The following MED13L variants were observed in gnomAD, a reference collection of about 807,000 sequenced individuals.
MED13L encodes mediator complex subunit 13L.
In MED13L, 7 loss-of-function variants were observed where a neutral mutation model predicts 220.9. The observed-to-expected ratio is 0.03, with a 90% CI of 0.02 to 0.06. The LOEUF is 0.06. MED13L is among the 10% of genes least tolerant of loss of function. The pLI, the probability that MED13L is intolerant of heterozygous loss-of-function variation, is 1.00. For missense variants in MED13L, 1,965 were observed against 2,760.5 expected (o/e 0.71, Z 6.46); for synonymous variants, 1,011 against 1,015.2 (o/e 1.00, Z 0.08).
intron 1 of MED13L, among the ~76,000 whole-genome samples, chr12:116,256,682 CTTT>C (rs35608298): frequency 2.3e-4 from 22 of 96,256 alleles, no homozygotes; most frequent in African/African-American, 9.0e-4. Context: ...AAACAAACTA[CTTT>C]TTTTTTTTTT....
At chr12:116,069,649 CTCTT>C (rs1024923253) in intron 4 of MED13L, among the ~76,000 whole-genome samples, 2 of 152,134 alleles carry the variant, frequency 1.3e-5, no homozygotes, top group African/African-American at 4.8e-5. Context: ...CATTGCTTTT[CTCTT>C]TAATACACGT....
intron 23 of MED13L, among the ~76,000 whole-genome samples, chr12:115,979,603 T>C (rs941093366): frequency 6.6e-6 from 1 of 152,254 alleles, no homozygotes; most frequent in Non-Finnish European, 1.5e-5. Context: ...ACTACTTGCA[T>C]CATTTTTCAC....
chr12:116,131,248 A>G (rs984226414), intron 2 of MED13L, among the ~76,000 whole-genome samples: 2 of 152,246 alleles, frequency 1.3e-5, no homozygotes, highest in South Asian at 2.1e-4. Flanking sequence ...GAGATTGTTT[A>G]TTTATGGAAA....
intron 2 of MED13L, among the ~76,000 whole-genome samples, chr12:116,129,778 G>A (rs772599936): frequency 8.5e-5 from 13 of 152,062 alleles, no homozygotes; most frequent in Non-Finnish European, 1.8e-4. Context: ...ACATGGTGGC[G>A]CGTGCCTGTA....
Position 115,986,156 on chromosome 12 carries a change from A to C in MED13L, c.4338+110T>G, listed in dbSNP as rs2137285945. 2.5e-6 allele frequency: 3 copies of C among 1,218,522 alleles called. No individual in the cohort carries two copies. In the East Asian group the frequency reaches 7.3e-5, roughly 29 times the overall value. 75.5% of individuals were successfully genotyped at this position (1,218,522 alleles called of 1,614,324 possible). A position where few individuals can be genotyped will look rare whatever the true frequency, so the allele number is the denominator to read the frequency against. On this transcript the variant is annotated intron_variant, in intron 19 of 30. Transcript: ENST00000281928. ...TCTCTTCTTCATCCACCTGTTTGCA[A>C]ATTTTCTCTGAGATTTACTTTCAAG...
rs1390512560 is a variant in MED13L, at chr12:116,007,577, T to G, written c.2072A>C (p.Gln691Pro). ...CAATGGGTCAAGGAAGTGGAGTGGC[T>G]GCAACTGGGGCTGTTTGTCTTGCCA... is the stretch of plus-strand genomic sequence containing the variant. ...KIWQDKQPQLQPLHFLDPLPL... is the reference protein window; with the variant it reads ...KIWQDKQPQLPPLHFLDPLPL... The change falls in exon 11 of 31, where the codon CAG becomes CCG. Residue 691 changes from glutamine (Q) to proline (P), a missense_variant. Physicochemically the swap from Gln to Pro is moderately conservative, Grantham distance 76. Transcript: ENST00000281928. 6.2e-7 allele frequency: 1 copy of G among 1,608,458 alleles called. No individual in the cohort carries two copies. Among genetic ancestry groups the G allele is most frequent in the Non-Finnish European group, 8.5e-7 (1 of 1,178,726 alleles).
intron 3 of MED13L, among the ~76,000 whole-genome samples, chr12:116,099,032 CACT>C (rs1872843725): frequency 6.6e-6 from 1 of 152,120 alleles, no homozygotes; most frequent in African/African-American, 2.4e-5. Context: ...ACTATACCAC[CACT>C]ACCTGGTTGA....
chr12:115,991,326 G>A lies in MED13L; in HGVS notation c.3628C>T (p.Pro1210Ser). The stretch of plus-strand genomic sequence containing the variant: ...GGTTTTTTGGTTCCTTCCACCTGAG[G>A]AAGGAAGGTGGACTGACACATCATT... Reference protein sequence around the residue: ...RLMMCQSTFLPQVEGTKKPQE... With the variant: ...RLMMCQSTFLSQVEGTKKPQE... Residue 1210 changes from proline (P) to serine (S), a missense_variant, in exon 17 of 31, where the codon CCT becomes TCT. Coordinates refer to ENST00000281928, the MANE Select transcript of MED13L (RefSeq NM_015335.5). This position sits in a 1 kb window ranked among gnomAD's most constrained non-coding sequence, Gnocchi z 7.7. 1 of 1,614,008 alleles carries A rather than the reference G, an allele frequency of 6.2e-7. No individual in the cohort carries two copies. The highest frequency in any genetic ancestry group is 1.1e-5 in the South Asian group (1 of 91,074).
intron 2 of MED13L, 29 bp downstream of exon 2, chr12:116,237,439 A>C (rs1408799184): frequency 1.3e-6 from 2 of 1,514,158 alleles, no homozygotes; most frequent in East Asian, 2.3e-5. Context: ...TGATGCAAAT[A>C]ATTTTTAAGA....
chr12:116,141,029 G>A (rs564892027), intron 2 of MED13L, among the ~76,000 whole-genome samples: 9 of 152,098 alleles, frequency 5.9e-5, no homozygotes, highest in African/African-American at 9.6e-5. Flanking sequence ...GTCTCTAATC[G>A]TGAGAGCAAA....
intron 1 of MED13L, among the ~76,000 whole-genome samples, chr12:116,271,106 A>C (rs1873291061): frequency 6.6e-6 from 1 of 150,942 alleles, no homozygotes; most frequent in Admixed American, 6.6e-5. Context: ...AAGAAGTTAA[A>C]TGACTCAAGA....
rs113188299 is a variant in MED13L at position 115,979,420 on chromosome 12, C to T, written c.5364+1330G>A. Among the ~76,000 whole-genome samples, 1,226 of 152,242 alleles carry T rather than the reference C, an allele frequency of 8.1e-3. 24 individuals are homozygous for T. Among genetic ancestry groups the T allele is most frequent in the African/African-American group, 0.028 (1,155 of 41,538 alleles). ...TTCTAGAAAAATTTAACAGAGAAAACAGATGAATTGCTCATAGAAGTGAAA... is the reference window on the plus strand; with the variant it reads ...TTCTAGAAAAATTTAACAGAGAAAATAGATGAATTGCTCATAGAAGTGAAA... On this transcript the variant is annotated intron_variant, in intron 23 of 30. Coordinates refer to ENST00000281928, the MANE Select transcript of MED13L (RefSeq NM_015335.5).
chr12:116,172,653 C>T (rs559001364), intron 2 of MED13L, among the ~76,000 whole-genome samples: 10 of 152,262 alleles, frequency 6.6e-5, no homozygotes, highest in Admixed American at 5.9e-4. Context: ...AGCTTCTTTG[C>T]CACTTAAAAA....
intron 1 of MED13L, among the ~76,000 whole-genome samples, chr12:116,269,942 C>T (rs1873151088): frequency 2.0e-5 from 3 of 149,582 alleles, no homozygotes; most frequent in African/African-American, 7.4e-5. Flanking sequence ...TGAAAAAATA[C>T]AAGGCAGTTT....
At chr12:115,996,373 T>G in intron 16 of MED13L, 103 bp downstream of exon 16, 9 of 1,344,376 alleles carry the variant, frequency 6.7e-6, no homozygotes, top group Non-Finnish European at 9.5e-6. Context: ...ATTACAGGCA[T>G]GAGCCACCGC....
intron 2 of MED13L, among the ~76,000 whole-genome samples, chr12:116,192,426 TAAG>T (rs1052344530): frequency 2.2e-4 from 34 of 152,160 alleles, no homozygotes; most frequent in Non-Finnish European, 2.6e-4. Flanking sequence ...ACAAAGCTAA[TAAG>T]AAATGAAACT....
intron 1 of MED13L, among the ~76,000 whole-genome samples, chr12:116,264,904 G>A (rs1872729918): frequency 6.6e-6 from 1 of 152,116 alleles, no homozygotes; most frequent in Non-Finnish European, 1.5e-5. Context: ...GAGGCAAGAG[G>A]ATTACTTGAG....
chr12:116,146,074 C>T (rs545753789), intron 2 of MED13L, among the ~76,000 whole-genome samples: 57 of 152,304 alleles, frequency 3.7e-4, no homozygotes, highest in African/African-American at 1.3e-3. Context: ...CAGCCCAACA[C>T]AAATTTGTAA....
chr12:116,276,368 G>T, intron 1 of MED13L: 14 of 838,418 alleles, frequency 1.7e-5, no homozygotes, highest in Non-Finnish European at 2.2e-5. Context: ...TCGTTGTTAG[G>T]ATAGAGAAAA....
Sources: allele counts gnomAD v4.1 joint callset (sites outside exome capture counted in the v4.1 genomes callset), GRCh38; gene constraint gnomAD v4.1.1; non-coding constraint Gnocchi (gnomAD v3.1); transcripts MANE v1.5; gene names NCBI Gene and HGNC (gene_info 2026-07-23, HGNC 2026-07-21).